AOPEP: variants seen among roughly 807,000 people sequenced by gnomAD.
AOPEP encodes the protein aminopeptidase O (putative).
AOPEP carries 77 observed loss-of-function variants against 98.1 expected under a neutral mutation model. The observed-to-expected ratio is 0.78, with a 90% CI of 0.65 to 0.95. AOPEP has a LOEUF of 0.95. Among genes scored for constraint, AOPEP ranks in the 40% least tolerant of loss-of-function variants. The pLI, the probability that AOPEP is intolerant of heterozygous loss-of-function variation, is 0.00. For synonymous variants in AOPEP, 346 were observed against 365.3 expected, an observed-to-expected ratio of 0.95 and a Z score of 0.60; for missense variants, 1,024 against 1,024.7, an observed-to-expected ratio of 1.00 and a Z score of 0.01.
chr9:94,783,479 CAA>C (rs1320560079), intron 3 of AOPEP, among the ~76,000 whole-genome samples: 1 of 152,184 alleles, frequency 6.6e-6, no homozygotes, highest in Non-Finnish European at 1.5e-5. Flanking sequence ...GAAGAACTAA[CAA>C]GAGACAGTCA....
intron 9 of AOPEP, among the ~76,000 whole-genome samples, chr9:94,959,016 T>C (rs2058650072): frequency 6.6e-6 from 1 of 152,120 alleles, no homozygotes; most frequent in South Asian, 2.1e-4. Context: ...TTAGCTCTTA[T>C]ATTTAGTCCT....
chr9:94,740,978 G>A (rs1365155644), intron 1 of AOPEP, among the ~76,000 whole-genome samples: 1 of 152,210 alleles, frequency 6.6e-6, no homozygotes, highest in Admixed American at 6.5e-5. Context: ...GGCTGGTGAG[G>A]AAAGTTTCAC....
intron 13 of AOPEP, among the ~76,000 whole-genome samples, chr9:95,052,616 A>T (rs916348960): frequency 2.0e-5 from 3 of 152,214 alleles, no homozygotes; most frequent in African/African-American, 7.2e-5. Flanking sequence ...CCAAAGAAGA[A>T]TCGTGTTGAT....
At chr9:95,040,184 G>A (rs180677612) in intron 13 of AOPEP, among the ~76,000 whole-genome samples, 1 of 152,320 alleles carries the variant, frequency 6.6e-6, no homozygotes, top group East Asian at 1.9e-4. Context: ...GGATTCTGCT[G>A]CCCCAGTCCC....
chr9:94,728,239 GCACACACACACA>G (rs78505500), intron 1 of AOPEP, among the ~76,000 whole-genome samples: 3 of 146,512 alleles, frequency 2.0e-5, no homozygotes, highest in Admixed American at 6.8e-5. Context: ...GTGCGCGCAT[GCACACACACACA>G]CACACACACA....
chr9:95,149,936 C>T, the AOPEP span: 4 of 1,604,746 alleles, frequency 2.5e-6, no homozygotes, highest in Non-Finnish European at 3.4e-6. Context: ...AAAATGGCCT[C>T]GTTTACAGCC....
chr9:95,009,538 T>G (rs1417235690), intron 13 of AOPEP, among the ~76,000 whole-genome samples: 5 of 152,170 alleles, frequency 3.3e-5, no homozygotes, highest in Admixed American at 3.3e-4. Flanking sequence ...TATGATGATG[T>G]CAGAAGTATT....
chr9:94,991,585 C>T (rs984437741), intron 11 of AOPEP, among the ~76,000 whole-genome samples: 6 of 152,190 alleles, frequency 3.9e-5, no homozygotes, highest in African/African-American at 9.7e-5. Flanking sequence ...TTAGTTTCTA[C>T]GAAGACCTAT....
chr9:94,998,032 T>G (rs923396177), intron 11 of AOPEP, among the ~76,000 whole-genome samples: 1 of 152,092 alleles, frequency 6.6e-6, no homozygotes, highest in South Asian at 2.1e-4. Flanking sequence ...TCCATGAATA[T>G]CAAGCCCTGT....
chr9:94,797,551 T>A (rs1403462163), intron 4 of AOPEP, among the ~76,000 whole-genome samples: 1 of 151,506 alleles, frequency 6.6e-6, no homozygotes, highest in Non-Finnish European at 1.5e-5. Flanking sequence ...TTAGAAAAGA[T>A]TTTCATTTGT....
At chr9:95,080,188 C>T (rs944407366) in intron 14 of AOPEP, among the ~76,000 whole-genome samples, 6 of 152,254 alleles carry the variant, frequency 3.9e-5, no homozygotes, top group Admixed American at 3.9e-4. Flanking sequence ...CTGCTTTTCT[C>T]TCTAAAGTTG....
At chr9:94,775,530 CTA>C (rs2132956347) in intron 3 of AOPEP, among the ~76,000 whole-genome samples, 1 of 152,182 alleles carries the variant, frequency 6.6e-6, no homozygotes, top group Admixed American at 6.5e-5. Context: ...CCATGCCCAA[CTA>C]ATTTTTGTAT....
At chr9:94,841,503 G>A (rs112626970) in intron 5 of AOPEP, among the ~76,000 whole-genome samples, 12 of 152,162 alleles carry the variant, frequency 7.9e-5, no homozygotes, top group African/African-American at 1.9e-4. Context: ...ATTATGTTCC[G>A]TTTTTATTCA....
chr9:94,923,782 G>A (rs538297369), intron 5 of AOPEP, among the ~76,000 whole-genome samples: 2 of 152,280 alleles, frequency 1.3e-5, no homozygotes, highest in South Asian at 4.1e-4. Flanking sequence ...CTGGTTGGCA[G>A]AAACGGCCAC....
intron 7 of AOPEP, among the ~76,000 whole-genome samples, chr9:94,950,072 AC>A (rs973057512): frequency 4.6e-5 from 7 of 152,174 alleles, no homozygotes; most frequent in Admixed American, 6.5e-5. Flanking sequence ...TGTCATTAAA[AC>A]CTTTTCATTT....
the AOPEP span, among the ~76,000 whole-genome samples, chr9:95,112,654 G>A: frequency 1.3e-5 from 2 of 152,218 alleles, no homozygotes; most frequent in Admixed American, 1.3e-4. Flanking sequence ...AGGGTAGACA[G>A]ATGCACAGAG....
At position 94,766,710 on chromosome 9, in the gene AOPEP, T is replaced by C. The variant is rs1839710219; in HGVS notation, c.797+6130T>C. On this transcript the variant is annotated intron_variant, in intron 2 of 16. Transcript: ENST00000375315. ...AAAATTCGGTTATGTATAGGAAATTTATTAGAAAAACTATAGCTATTTGGA... is the reference window on the plus strand; with the variant it reads ...AAAATTCGGTTATGTATAGGAAATTCATTAGAAAAACTATAGCTATTTGGA... Among the ~76,000 whole-genome samples the C allele has an allele frequency of 2.6e-5, 4 of 152,336 alleles. No individual in the cohort carries two copies. The South Asian group carries it at 8.3e-4, about 32-fold the overall frequency.
chr9:95,113,459 A>G, the AOPEP span, among the ~76,000 whole-genome samples: 2 of 152,166 alleles, frequency 1.3e-5, no homozygotes, highest in Non-Finnish European at 2.9e-5. Flanking sequence ...GAATGCTTTC[A>G]AGAAAATCAC....
intron 5 of AOPEP, among the ~76,000 whole-genome samples, chr9:94,914,092 G>T (rs1385094275): frequency 6.6e-6 from 1 of 152,170 alleles, no homozygotes; most frequent in East Asian, 1.9e-4. Flanking sequence ...AAGGGGCCAG[G>T]CAGCAATATA....
Sources: gnomAD v4.1 joint callset for allele counts (sites outside exome capture counted in the v4.1 genomes callset) on GRCh38, gnomAD v4.1.1 for gene constraint, MANE v1.5 for transcripts, NCBI Gene and HGNC (gene_info 2026-07-23, HGNC 2026-07-21) for gene names.